UNC13A: variants seen among roughly 807,000 people sequenced by gnomAD.
The protein encoded by UNC13A is protein unc-13 homolog A.
UNC13A carries 61 observed loss-of-function variants against 219.7 expected under a neutral mutation model. The observed-to-expected ratio is 0.28, with a 90% CI of 0.23 to 0.34. UNC13A has a LOEUF of 0.34. Among genes scored for constraint, UNC13A ranks in the 10% least tolerant of loss-of-function variants. The pLI is 1.00. For synonymous variants in UNC13A, 920 were observed against 884.6 expected (o/e 1.04, Z -0.71); for missense variants, 1,476 against 2,270.3 (o/e 0.65, Z 7.11).
At position 17,602,863 on chromosome 19, in the gene UNC13A, C is replaced by T. The variant is rs1359354092; in HGVS notation, c.*3191G>A. 1.3e-5 allele frequency: 2 copies of T among 152,334 alleles called. No homozygotes were observed. The highest frequency in any genetic ancestry group is 2.4e-5 in the African/African-American group (1 of 41,468). 9.4% of individuals were successfully genotyped at this position (152,334 alleles called of 1,614,324 possible). A position where few individuals can be genotyped will look rare whatever the true frequency, so the allele number is the denominator to read the frequency against. On this transcript the variant is annotated 3_prime_UTR_variant, in exon 44 of 44. Coordinates refer to ENST00000519716, the MANE Select transcript of UNC13A (RefSeq NM_001080421.3). ...CATAATTCCACTAGGCGTAGACTCC[C>T]TGTCACCCACTTGTGCCCAGCCTGT... is the stretch of plus-strand genomic sequence containing the variant.
chr19:17,679,075 GTA>G (rs2145923442), intron 1 of UNC13A, among the ~76,000 whole-genome samples: 1 of 151,872 alleles, frequency 6.6e-6, no homozygotes, highest in South Asian at 2.1e-4. Flanking sequence ...CCTGGGCAAT[GTA>G]GTAAGATCCC....
chr19:17,657,315 G>A (rs1253232345), intron 9 of UNC13A, among the ~76,000 whole-genome samples: 4 of 152,224 alleles, frequency 2.6e-5, no homozygotes, highest in African/African-American at 4.8e-5. Flanking sequence ...TGCACTTGCC[G>A]TGGTCTCTTC....
intron 25 of UNC13A, among the ~76,000 whole-genome samples, chr19:17,637,432 G>A (rs909325034): frequency 6.6e-6 from 1 of 151,932 alleles, no homozygotes; most frequent in Non-Finnish European, 1.5e-5. Flanking sequence ...CAAGTATCTG[G>A]GACTACAGGT....
chr19:17,607,460 C>T (rs1033767266), intron 43 of UNC13A, among the ~76,000 whole-genome samples: 3 of 40,082 alleles, frequency 7.5e-5, no homozygotes, highest in East Asian at 8.4e-4. Flanking sequence ...ATGGGGGTGG[C>T]GGGGGGGGGG....
At position 17,649,300 on chromosome 19, in the gene UNC13A, G is replaced by A. The variant is rs761763644; in HGVS notation, c.1524+39C>T. 3 of 1,559,890 alleles carry A rather than the reference G, an allele frequency of 1.9e-6. No individual in the cohort carries two copies. Among genetic ancestry groups the A allele is most frequent in the South Asian group, 1.2e-5 (1 of 85,892 alleles). ...TAGAAGATCCCAGTGGGGGAGTTTG[G>A]GGAGAAGATCCCAAGAGGCCCATGT... On this transcript the variant is annotated intron_variant, in intron 14 of 43. Transcript: ENST00000519716. The surrounding 1 kb of genome is among the most constrained non-coding windows in gnomAD (Gnocchi z 4.4).
At chr19:17,642,145 CCAATA>C (rs1355275268) in intron 20 of UNC13A, among the ~76,000 whole-genome samples, 1 of 152,050 alleles carries the variant, frequency 6.6e-6, no homozygotes, top group East Asian at 1.9e-4. Flanking sequence ...TCCATCCCAT[CCAATA>C]CAACTTAATC....
chr19:17,613,927 G>C (rs1255263292), intron 41 of UNC13A: 1 of 151,656 alleles, frequency 6.6e-6, no homozygotes, highest in African/African-American at 2.4e-5. Flanking sequence ...GGCCAGGATG[G>C]TCTCGATCTC....
chr19:17,609,997 A>G lies in UNC13A; in HGVS notation c.4754T>C (p.Phe1585Ser). 2 of 1,614,038 alleles carry G rather than the reference A, an allele frequency of 1.2e-6. No individual in the cohort carries two copies. Among genetic ancestry groups the G allele is most frequent in the Non-Finnish European group, 1.7e-6 (2 of 1,179,904 alleles). The change falls in exon 43 of 44, where the codon TTT (phenylalanine) becomes TCT (serine). Residue 1585 changes from phenylalanine to serine, a missense_variant. Transcript: ENST00000519716. ...GCTATTGTTCTTGGATTTGGTCGCAAACTTGCGTTTCTTGTCGCTGAGCTG... is the reference window on the plus strand; with the variant it reads ...GCTATTGTTCTTGGATTTGGTCGCAGACTTGCGTTTCTTGTCGCTGAGCTG... ...GPQLSDKKRK[F>S]ATKSKNNSWA... is the part of the protein sequence containing the mutation.
At chr19:17,670,907 GTAAAATAAAATAAAATAAAATAAAA>G (rs58942725) in intron 4 of UNC13A, among the ~76,000 whole-genome samples, 103 of 128,626 alleles carry the variant, frequency 8.0e-4, no homozygotes, top group African/African-American at 2.6e-3. Context: ...CCATCTCACA[GTAAAATAAAATAAAATAAAATAAAA>G]TAAAATAAAA....
chr19:17,612,690 C>G (rs1018410049), intron 41 of UNC13A, among the ~76,000 whole-genome samples: 4 of 151,906 alleles, frequency 2.6e-5, no homozygotes, highest in Non-Finnish European at 5.9e-5. Flanking sequence ...ACAATAAATA[C>G]AAAAATTAGT....
chr19:17,654,825 A>C (rs1450075211), intron 11 of UNC13A, among the ~76,000 whole-genome samples: 1 of 152,080 alleles, frequency 6.6e-6, no homozygotes, highest in African/African-American at 2.4e-5. Flanking sequence ...CCTAACCATG[A>C]CTTCAGCCCA....
At chr19:17,631,178 CTTT>C (rs1568513167) in intron 28 of UNC13A, among the ~76,000 whole-genome samples, 406 of 13,340 alleles carry the variant, frequency 0.03, 23 homozygotes, top group African/African-American at 0.12. Flanking sequence ...TCCCTCCCTC[CTTT>C]CCTTCCTTCC....
intron 1 of UNC13A, among the ~76,000 whole-genome samples, chr19:17,686,692 AAAGTAG>A (rs927827649): frequency 6.6e-6 from 1 of 151,770 alleles, no homozygotes; most frequent in Non-Finnish European, 1.5e-5. Flanking sequence ...GAGCTTAGAG[AAAGTAG>A]GCCCCTGTCC....
At chr19:17,631,320 A>G in intron 28 of UNC13A, among the ~76,000 whole-genome samples, 1 of 149,232 alleles carries the variant, frequency 6.7e-6, no homozygotes, top group Non-Finnish European at 1.5e-5. Context: ...TGCTGGGTTC[A>G]AGCAATCCTC....
intron 8 of UNC13A, 147 bp from the exon 9 acceptor site, chr19:17,658,416 A>G (rs2079499087): frequency 3.8e-6 from 3 of 784,750 alleles, no homozygotes; most frequent in Non-Finnish European, 6.2e-6. Context: ...TCATGTTAAT[A>G]GAGATATAGG....
intron 5 of UNC13A, among the ~76,000 whole-genome samples, chr19:17,668,812 T>C (rs1430838001): frequency 6.6e-6 from 1 of 151,986 alleles, no homozygotes; most frequent in Non-Finnish European, 1.5e-5. Flanking sequence ...TTTATTTTTT[T>C]AGAGACAGGG....
intron 36 of UNC13A, chr19:17,622,791 A>G (rs1351198924): frequency 6.5e-6 from 1 of 153,048 alleles, no homozygotes; most frequent in African/African-American, 2.4e-5. Context: ...ATTTTAATGC[A>G]TCATGCCATT....
chr19:17,615,485 C>T (rs2076652866), intron 41 of UNC13A, among the ~76,000 whole-genome samples: 1 of 152,192 alleles, frequency 6.6e-6, no homozygotes, highest in African/African-American at 2.4e-5. Context: ...TCAAGACCAG[C>T]CTGGCCAACA....
At chr19:17,650,698 G>C (rs977585983) in intron 12 of UNC13A, among the ~76,000 whole-genome samples, 4 of 150,660 alleles carry the variant, frequency 2.7e-5, no homozygotes, top group Non-Finnish European at 5.9e-5. Flanking sequence ...GGCTGGTCTC[G>C]AACTCCTGAC....
Sources: allele counts gnomAD v4.1 joint callset (sites outside exome capture counted in the v4.1 genomes callset), GRCh38; gene constraint gnomAD v4.1.1; non-coding constraint Gnocchi (gnomAD v3.1); transcripts MANE v1.5; gene names NCBI Gene and HGNC (gene_info 2026-07-23, HGNC 2026-07-21).